Variants in PDE11A observed in about 807,000 individuals in gnomAD.
The protein encoded by PDE11A is phosphodiesterase 11A.
In PDE11A, 100 loss-of-function variants were observed where a neutral mutation model predicts 100.5. The observed-to-expected ratio is 1.00, with a 90% CI of 0.85 to 1.18. The LOEUF is 1.18. Among genes scored for constraint, PDE11A ranks in the 50% most tolerant of loss-of-function variants. The pLI is 0.00. For missense variants in PDE11A, 1,141 were observed against 1,152.6 expected, an observed-to-expected ratio of 0.99 and a Z score of 0.15; for synonymous variants, 381 against 420.8, an observed-to-expected ratio of 0.91 and a Z score of 1.16.
chr2:177,813,919 G>A (rs1445156707), intron 9 of PDE11A, among the ~76,000 whole-genome samples: 2 of 150,412 alleles, frequency 1.3e-5, no homozygotes, highest in African/African-American at 4.8e-5. Context: ...GGTCAAGTAG[G>A]ACAATAATGG....
At chr2:178,035,951 T>A (rs1402619390) in intron 1 of PDE11A, among the ~76,000 whole-genome samples, 1 of 152,184 alleles carries the variant, frequency 6.6e-6, no homozygotes, top group African/African-American at 2.4e-5. Flanking sequence ...GCATTCCCTT[T>A]GAAAACCAAC....
intron 2 of PDE11A, among the ~76,000 whole-genome samples, chr2:178,079,048 T>C (rs1268960475): frequency 2.0e-5 from 3 of 152,214 alleles, no homozygotes; most frequent in African/African-American, 4.8e-5. Flanking sequence ...TTATATTCAA[T>C]AGCAATCCAT....
intron 12 of PDE11A, among the ~76,000 whole-genome samples, chr2:177,722,439 G>T (rs545550419): frequency 6.6e-6 from 1 of 152,108 alleles, no homozygotes; most frequent in Non-Finnish European, 1.5e-5. Flanking sequence ...CTGCCCAATT[G>T]TATGTTTGGT....
At chr2:177,908,582 T>G (rs1418647902) in intron 2 of PDE11A, among the ~76,000 whole-genome samples, 1 of 152,158 alleles carries the variant, frequency 6.6e-6, no homozygotes, top group Non-Finnish European at 1.5e-5. Context: ...TGAGGCACTA[T>G]GTTTTAATGA....
At chr2:177,967,246 G>T (rs2085710862) in intron 2 of PDE11A, among the ~76,000 whole-genome samples, 1 of 138,998 alleles carries the variant, frequency 7.2e-6, no homozygotes, top group Admixed American at 7.6e-5. Context: ...GCCCAGCCTT[G>T]AGTACAGTGG....
chr2:177,994,178 G>A lies in PDE11A; in HGVS notation c.1071+20124C>T, dbSNP rs374865558. 8.3e-4 allele frequency among the ~76,000 whole-genome samples: 127 copies of A among 152,132 alleles called. 2 individuals are homozygous for A. The South Asian group carries it at 0.025, about 30-fold the overall frequency. On this transcript the variant is annotated intron_variant, in intron 2 of 19. Coordinates refer to ENST00000286063, the MANE Select transcript of PDE11A (RefSeq NM_016953.4). Reference sequence around the variant, plus strand: ...ACTCCTGAGCTCAAGTGATCCATCCGCCTCTGCCTCCCAAAGTGGTGAGAT... The same window carrying A: ...ACTCCTGAGCTCAAGTGATCCATCCACCTCTGCCTCCCAAAGTGGTGAGAT...
intron 1 of PDE11A, among the ~76,000 whole-genome samples, chr2:178,042,695 A>G (rs2086699370): frequency 6.6e-6 from 1 of 152,326 alleles, no homozygotes; most frequent in Non-Finnish European, 1.5e-5. Flanking sequence ...AATGAGCCTC[A>G]GTATATGATT....
rs1184107328 is a variant in PDE11A, at chr2:178,071,661, A to C, written c.777T>G (p.Asp259Glu). ...GKKTLVSKFF[D>E]VHAGTPLLPC... ...GCAGCAGAGGTGTTCCTGCATGCAC[A>C]TCAAAGAATTTGGAGACCAAGGTCT... Residue 259 changes from aspartate (D) to glutamate (E), a missense_variant, in exon 1 of 20, where the codon GAT becomes GAG. By Grantham distance (45) the Asp-to-Glu change is conservative. Coordinates refer to ENST00000286063, the MANE Select transcript of PDE11A (RefSeq NM_016953.4). 6.2e-7 allele frequency: 1 copy of C among 1,613,504 alleles called. No individual in the cohort carries two copies. Among genetic ancestry groups the C allele is most frequent in the African/African-American group, 1.3e-5 (1 of 75,034 alleles).
chr2:177,788,898 T>G (rs1004498468), intron 9 of PDE11A, among the ~76,000 whole-genome samples: 1 of 152,006 alleles, frequency 6.6e-6, no homozygotes, highest in Non-Finnish European at 1.5e-5. Flanking sequence ...CAATAATCAA[T>G]AGCTTACCAA....
At chr2:177,693,418 C>T (rs2081069119) in intron 15 of PDE11A, among the ~76,000 whole-genome samples, 1 of 152,204 alleles carries the variant, frequency 6.6e-6, no homozygotes. Flanking sequence ...CCTGCAGGAT[C>T]AAGACTGGCT....
At chr2:177,637,997 A>ATATATATATATATATTTTT (rs1433320166) in intron 19 of PDE11A, among the ~76,000 whole-genome samples, 2 of 106,534 alleles carry the variant, frequency 1.9e-5, no homozygotes, top group African/African-American at 8.1e-5. Flanking sequence ...ATATATATAT[A>ATATATATATATATATTTTT]TTTTTTTTTT....
At chr2:178,101,965 C>CT (rs775297322) in intron 2 of PDE11A, among the ~76,000 whole-genome samples, 2 of 151,606 alleles carry the variant, frequency 1.3e-5, no homozygotes, top group Admixed American at 6.6e-5. Flanking sequence ...TACTTAATTT[C>CT]TTTTTTTTGT....
intron 2 of PDE11A, chr2:177,998,193 A>C: frequency 3.5e-6 from 3 of 864,716 alleles, no homozygotes; most frequent in Non-Finnish European, 6.0e-6. Flanking sequence ...ATTCATGAAT[A>C]GAACAAATTC....
At chr2:177,701,867 G>A (rs149218602) in intron 13 of PDE11A, among the ~76,000 whole-genome samples, 226 of 152,302 alleles carry the variant, frequency 1.5e-3, no homozygotes, top group Non-Finnish European at 1.2e-3. Flanking sequence ...TCTGGATTTG[G>A]AGGGAAATCT....
In PDE11A at chr2:177,853,956, A is replaced by G. The variant is rs1317696319; in HGVS notation, c.1368-13573T>C. The stretch of plus-strand genomic sequence containing the variant: ...TATGTGTGTATATATATCTATATAT[A>G]TGTGTATACACACACACACACACAG... On this transcript the variant is annotated intron_variant, in intron 5 of 19. Coordinates refer to ENST00000286063, the MANE Select transcript of PDE11A (RefSeq NM_016953.4). 1.3e-4 allele frequency among the ~76,000 whole-genome samples: 20 copies of G among 149,036 alleles called. No homozygotes were observed. In the Admixed American group the frequency reaches 1.4e-3, roughly 10 times the overall value.
intron 18 of PDE11A, among the ~76,000 whole-genome samples, chr2:177,664,276 G>A (rs2080534884): frequency 6.6e-6 from 1 of 152,132 alleles, no homozygotes; most frequent in African/African-American, 2.4e-5. Context: ...AAGGGGAAAG[G>A]AATATGTTTT....
chr2:177,848,457 A>T (rs998623185), intron 5 of PDE11A, among the ~76,000 whole-genome samples: 1 of 152,202 alleles, frequency 6.6e-6, no homozygotes, highest in Non-Finnish European at 1.5e-5. Context: ...AATTGTAAAG[A>T]AATCCTTTAT....
At chr2:177,880,827 C>G (rs1283723650) in intron 4 of PDE11A, among the ~76,000 whole-genome samples, 2 of 152,060 alleles carry the variant, frequency 1.3e-5, no homozygotes, top group Non-Finnish European at 2.9e-5. Flanking sequence ...TATTGATTAT[C>G]CAGTGTGTAT....
chr2:177,788,002 A>T (rs1182214202), intron 9 of PDE11A, among the ~76,000 whole-genome samples: 2 of 151,930 alleles, frequency 1.3e-5, no homozygotes, highest in Non-Finnish European at 2.9e-5. Flanking sequence ...TAACAAGGAT[A>T]CCCAGGAATT....
Sources: allele counts gnomAD v4.1 joint callset (sites outside exome capture counted in the v4.1 genomes callset), GRCh38; gene constraint gnomAD v4.1.1; transcripts MANE v1.5; gene names NCBI Gene and HGNC (gene_info 2026-07-23, HGNC 2026-07-21).